EHMT2: variants seen among roughly 807,000 people sequenced by gnomAD.
EHMT2 encodes histone-lysine N-methyltransferase EHMT2.
Under a neutral mutation model 143.3 loss-of-function variants are expected in EHMT2, and 59 were observed. The ratio of observed to expected loss-of-function variants is 0.41; its 90% CI spans 0.33 to 0.51. The LOEUF (loss-of-function observed/expected upper bound fraction) is 0.51. Among genes scored for constraint, EHMT2 ranks in the 20% least tolerant of loss-of-function variants. The pLI is 0.18. For synonymous variants in EHMT2, 604 were observed against 651.5 expected, an observed-to-expected ratio of 0.93 and a Z score of 1.11; for missense variants, 1,174 against 1,645.9, an observed-to-expected ratio of 0.71 and a Z score of 4.96.
In EHMT2 at chr6:31,884,056, G is replaced by A; in HGVS notation, c.2772-106C>T. 3.1e-6 allele frequency: 4 copies of A among 1,300,394 alleles called. No homozygotes were observed. The highest frequency in any genetic ancestry group is 4.2e-6 in the Non-Finnish European group (4 of 956,384). The allele number at this position is 1,300,394 out of a possible 1,614,324, so 80.6% of individuals were successfully genotyped here. A position where few individuals can be genotyped will look rare whatever the true frequency, so the allele number is the denominator to read the frequency against. ...GAGGTTCCTGGGGCTGGGGGCAGGG[G>A]AGTAAGGTTGCCAGGTAAGATGCAG... On this transcript the variant is annotated intron_variant, in intron 21 of 27. Transcript: ENST00000375537. This position sits in a 1 kb window ranked among gnomAD's most constrained non-coding sequence, Gnocchi z 7.3.
Position 31,892,914 on chromosome 6 carries a change from T to G in EHMT2, c.583-4A>C, listed in dbSNP as rs1765894910. 2 of 1,562,402 alleles carry G rather than the reference T, an allele frequency of 1.3e-6. No homozygotes were observed. The highest frequency in any genetic ancestry group is 1.7e-6 in the Non-Finnish European group (2 of 1,153,582). On this transcript the variant is annotated splice_region_variant and splice_polypyrimidine_tract_variant and intron_variant, in intron 4 of 27. Coordinates refer to ENST00000375537, the Ensembl canonical transcript of EHMT2. ...GCCGCTTCTCAGGGACCGGGGGCTG[T>G]GGGCCGAGAGGGAGCACACTGAGGG...
In EHMT2 at chr6:31,884,248, T is replaced by C; in HGVS notation, c.2771+144A>G. ...TATTTGCTGTATCTGGCAACCCTAG[T>C]GGGGAGGGGGCCTGTGGGTGGTTCT... is the stretch of plus-strand genomic sequence containing the variant. On this transcript the variant is annotated intron_variant, in intron 21 of 27. Transcript: ENST00000375537. The surrounding 1 kb of genome is among the most constrained non-coding windows in gnomAD (Gnocchi z 7.3). 1.1e-6 allele frequency: 1 copy of C among 921,470 alleles called. No homozygotes were observed. 57.1% of individuals were successfully genotyped at this position (921,470 alleles called of 1,614,324 possible). A position where few individuals can be genotyped will look rare whatever the true frequency, so the allele number is the denominator to read the frequency against.
At chr6:31,893,084 C>G in intron 4 of EHMT2, 174 bp from the exon 5 acceptor site, 1 of 582,654 alleles carries the variant, frequency 1.7e-6, no homozygotes, top group Non-Finnish European at 3.0e-6. Context: ...GGAAGAGTGT[C>G]AAGCACACTA....
Position 31,884,196 on chromosome 6 carries a change from C to T in EHMT2, c.2771+196G>A, listed in dbSNP as rs1764498380. ...AGTATGCATCTGTGCATCTGAAATTCCAGTTTAACTGGGTGTCTTCTATTT... is the reference window on the plus strand; with the variant it reads ...AGTATGCATCTGTGCATCTGAAATTTCAGTTTAACTGGGTGTCTTCTATTT... On this transcript the variant is annotated intron_variant, in intron 21 of 27. Coordinates refer to ENST00000375537, the Ensembl canonical transcript of EHMT2. The surrounding 1 kb of genome is among the most constrained non-coding windows in gnomAD (Gnocchi z 7.3). The T allele has an allele frequency of 6.8e-6, 5 of 734,962 alleles. No individual in the cohort carries two copies. The highest frequency in any genetic ancestry group is 3.9e-5 in the South Asian group (2 of 50,988). 45.5% of individuals were successfully genotyped at this position (734,962 alleles called of 1,614,324 possible).
Position 31,880,476 on chromosome 6 carries a change from G to T in EHMT2, c.3452+197C>A. ...TGCAGAATCCTGGGCCCCATCCCAA[G>T]CCTACTGATTCAAAATCTCTCTGGG... is the stretch of plus-strand genomic sequence containing the variant. On this transcript the variant is annotated intron_variant, in intron 27 of 27. Transcript: ENST00000375537. The surrounding 1 kb of genome is among the most constrained non-coding windows in gnomAD (Gnocchi z 6.6). 1 of 833,092 alleles carries T rather than the reference G, an allele frequency of 1.2e-6. No homozygotes were observed. The highest frequency in any genetic ancestry group is 1.8e-6 in the Non-Finnish European group (1 of 549,516). 51.6% of individuals were successfully genotyped at this position (833,092 alleles called of 1,614,324 possible).
Position 31,888,843 on chromosome 6 carries a change from C to T in EHMT2, c.1217-96G>A. On this transcript the variant is annotated intron_variant, in intron 10 of 27. Transcript: ENST00000375537. This position sits in a 1 kb window ranked among gnomAD's most constrained non-coding sequence, Gnocchi z 7.4. ...TCACTCCCTCCCTACCCCACCCCGC[C>T]ATGCCCCAGAACCCCTAAAGCCTGG... 6.5e-7 allele frequency: 1 copy of T among 1,532,478 alleles called. No individual in the cohort carries two copies. Among genetic ancestry groups the T allele is most frequent in the Non-Finnish European group, 8.8e-7 (1 of 1,132,396 alleles). 94.9% of individuals were successfully genotyped at this position (1,532,478 alleles called of 1,614,324 possible).
At chr6:31,893,818 C>G (rs1766009046) in intron 4 of EHMT2, among the ~76,000 whole-genome samples, 1 of 152,074 alleles carries the variant, frequency 6.6e-6, no homozygotes, top group Non-Finnish European at 1.5e-5. Context: ...AAAGAAAGGA[C>G]AGTGGTCCTT....
chr6:31,896,175 G>A (rs1188149721), intron 4 of EHMT2, 88 bp downstream of exon 4: 11 of 1,511,990 alleles, frequency 7.3e-6, no homozygotes, highest in Admixed American at 2.2e-5. Context: ...ATGTGAATGA[G>A]TAAATGGAGT....
Position 31,887,826 on chromosome 6 carries a change from TG to T in EHMT2, c.1880del (p.Pro627GlnfsTer32). 6.2e-7 allele frequency: 1 copy of T among 1,609,190 alleles called. No homozygotes were observed. The highest frequency in any genetic ancestry group is 8.5e-7 in the Non-Finnish European group (1 of 1,179,228). ...GGGCCTTTTCCAGGGCCTCCCGGCC[TG>T]GCCCCAGTGGCAGCCCCACGGCTGA... On this transcript the variant is annotated frameshift_variant, in exon 14 of 28. Transcript: ENST00000375537. LOFTEE classifies it high-confidence loss of function.
chr6:31,883,832 T>C lies in EHMT2; in HGVS notation c.2890A>G (p.Ile964Val), dbSNP rs748787495. The C allele has an allele frequency of 3.1e-6, 5 of 1,613,962 alleles. No individual in the cohort carries two copies. Among genetic ancestry groups the C allele is most frequent in the Non-Finnish European group, 4.2e-6 (5 of 1,179,930 alleles). ...TGCAGGTGGGTGATGTTGCGATCGATGTTCATGGTGGACGTCTCGCAGTTC... is the reference window on the plus strand; with the variant it reads ...TGCAGGTGGGTGATGTTGCGATCGACGTTCATGGTGGACGTCTCGCAGTTC... The change falls in exon 22 of 28, where the codon ATC becomes GTC. Residue 964 changes from isoleucine (I) to valine (V), a missense_variant. Ile to Val is a conservative substitution (Grantham distance 29). This residue lies in a region of EHMT2 where 78 missense variants were observed against 144.0 expected (regional missense o/e 0.54). Transcript: ENST00000375537. This position sits in a 1 kb window ranked among gnomAD's most constrained non-coding sequence, Gnocchi z 5.6.
At chr6:31,887,542 G>C (rs1562491587) in intron 15 of EHMT2, 35 bp downstream of exon 15, 1 of 1,596,442 alleles carries the variant, frequency 6.3e-7, no homozygotes, top group Non-Finnish European at 8.6e-7. Flanking sequence ...CATGAAGCTT[G>C]GTCAAGGTCT....
chr6:31,897,139 G>A (rs772768874), intron 1 of EHMT2, 150 bp from the exon 2 acceptor site: 3 of 1,381,042 alleles, frequency 2.2e-6, no homozygotes, highest in African/African-American at 1.5e-5. Context: ...CGGCTGCCCG[G>A]AGGGGCCGCA....
chr6:31,892,304 T>TA (rs1765791295), intron 7 of EHMT2, 103 bp downstream of exon 7: 1 of 1,354,164 alleles, frequency 7.4e-7, no homozygotes. Flanking sequence ...ATTCAGAAGA[T>TA]AAAAAGGACA....
At chr6:31,887,936 G>A (rs1390726378) in exon 14 of EHMT2, 1 of 1,599,976 alleles carries the variant, frequency 6.3e-7, no homozygotes, top group East Asian at 2.2e-5. Flanking sequence ...GGGCGCCGGG[G>A]TTCCCCATGC....
rs1397221972 is a variant in EHMT2, at chr6:31,883,926, G to A, written c.2796C>T (p.Asn932=). 10 of 1,613,760 alleles carry A rather than the reference G, an allele frequency of 6.2e-6. No homozygotes were observed. Among genetic ancestry groups the A allele is most frequent in the Admixed American group, 3.3e-5 (2 of 59,998 alleles). ...CACCGTTGACACAGGGAATGGGCAC[G>A]TTCTCATAGCCCCGAGCCACGTCCC... Residue 932 remains asparagine, a synonymous_variant, in exon 22 of 28, where the codon AAC becomes AAT. Coordinates refer to ENST00000375537, the Ensembl canonical transcript of EHMT2. This position sits in a 1 kb window ranked among gnomAD's most constrained non-coding sequence, Gnocchi z 5.6.
chr6:31,887,544 T>G, intron 15 of EHMT2, 33 bp downstream of exon 15: 1 of 1,604,998 alleles, frequency 6.2e-7, no homozygotes, highest in Non-Finnish European at 8.5e-7. Context: ...TGAAGCTTGG[T>G]CAAGGTCTGC....
At chr6:31,887,709 C>T (rs1212755361) in intron 14 of EHMT2, 50 bp from the exon 15 acceptor site, 10 of 1,609,254 alleles carry the variant, frequency 6.2e-6, no homozygotes, top group Non-Finnish European at 7.6e-6. Flanking sequence ...CCTCAGATTC[C>T]AGCATCAGCC....
intron 24 of EHMT2, 45 bp from the exon 25 acceptor site, chr6:31,882,830 A>C: frequency 6.2e-7 from 1 of 1,611,364 alleles, no homozygotes; most frequent in Non-Finnish European, 8.5e-7. Flanking sequence ...GCCCTGGAAA[A>C]GCCCCAGGGG....
In EHMT2 at chr6:31,883,766, C is replaced by A; in HGVS notation, c.2916+40G>T. On this transcript the variant is annotated intron_variant, in intron 22 of 27. Coordinates refer to ENST00000375537, the Ensembl canonical transcript of EHMT2. The surrounding 1 kb of genome is among the most constrained non-coding windows in gnomAD (Gnocchi z 5.6). ...GCTTGTCCAACTGTACTTGGCAGCT[C>A]TCGGTGTCCTTTTGGGGAGGCCCCG... is the stretch of plus-strand genomic sequence containing the variant. 1.9e-6 allele frequency: 3 copies of A among 1,605,620 alleles called. No homozygotes were observed. Among genetic ancestry groups the A allele is most frequent in the Non-Finnish European group, 1.7e-6 (2 of 1,175,616 alleles).
Sources: gnomAD v4.1 joint callset for allele counts (sites outside exome capture counted in the v4.1 genomes callset) on GRCh38, gnomAD v4.1.1 for gene constraint, gnomAD v4.1.1 regional missense constraint, Gnocchi (gnomAD v3.1) non-coding constraint, MANE v1.5 for transcripts, NCBI Gene and HGNC (gene_info 2026-07-23, HGNC 2026-07-21) for gene names.